SLC6A12: variants seen among roughly 807,000 people sequenced by gnomAD.
The protein encoded by SLC6A12 is sodium- and chloride-dependent betaine transporter.
In SLC6A12, 50 loss-of-function variants were observed where a neutral mutation model predicts 73.3. The ratio of observed to expected loss-of-function variants is 0.68; its 90% CI spans 0.54 to 0.86. The LOEUF is 0.86. Ranked by LOEUF, SLC6A12 falls within the 40% of genes least tolerant of loss-of-function variation. The pLI, the probability that SLC6A12 is intolerant of heterozygous loss-of-function variation, is 0.00. For synonymous variants in SLC6A12, 304 were observed against 309.2 expected (o/e 0.98, Z 0.18); for missense variants, 648 against 772.8 (o/e 0.84, Z 1.92).
chr12:211,166 C>G (rs752925497), intron 2 of SLC6A12: 1 of 152,194 alleles, frequency 6.6e-6, no homozygotes, highest in Non-Finnish European at 1.5e-5. Context: ...TCAAAGCGAC[C>G]AGGTCTACCA....
intron 3 of SLC6A12, among the ~76,000 whole-genome samples, chr12:206,884 C>T (rs1458729005): frequency 6.6e-6 from 1 of 152,234 alleles, no homozygotes; most frequent in Non-Finnish European, 1.5e-5. Flanking sequence ...GGACTCCTTC[C>T]CACCTGTTGT....
chr12:204,485 G>A (rs978948470), intron 4 of SLC6A12, 79 bp downstream of exon 4: 17 of 1,356,696 alleles, frequency 1.3e-5, no homozygotes, highest in Admixed American at 1.7e-5. Flanking sequence ...AGCAGCGGAT[G>A]GGTAGGCAGG....
Position 201,747 on chromosome 12 carries a change from G to A in SLC6A12, c.578+15C>T. ...AATTTCCTCTTCATATGTGGCAAATGGGCCCAGCACCTACTCCCAGAATTC... is the reference window on the plus strand; with the variant it reads ...AATTTCCTCTTCATATGTGGCAAATAGGCCCAGCACCTACTCCCAGAATTC... On this transcript the variant is annotated intron_variant, in intron 6 of 15. Coordinates refer to ENST00000684302, the MANE Select transcript of SLC6A12 (RefSeq NM_001122848.3). 2 of 1,605,062 alleles carry A rather than the reference G, an allele frequency of 1.2e-6. No homozygotes were observed. Among genetic ancestry groups the A allele is most frequent in the Non-Finnish European group, 1.7e-6 (2 of 1,171,710 alleles).
chr12:195,809 G>A (rs867037377), intron 12 of SLC6A12, among the ~76,000 whole-genome samples: 23 of 152,150 alleles, frequency 1.5e-4, no homozygotes, highest in African/African-American at 4.6e-4. Context: ...ACAGGAGACC[G>A]AGGAGCCTTC....
chr12:212,539 A>G (rs1371688501), intron 1 of SLC6A12, among the ~76,000 whole-genome samples: 1 of 152,212 alleles, frequency 6.6e-6, no homozygotes, highest in Non-Finnish European at 1.5e-5. Flanking sequence ...ATGAAAATAA[A>G]AAAGTAATCG....
At chr12:186,052 G>A (rs760222739), downstream of SLC6A12, among the ~76,000 whole-genome samples, 4 of 152,162 alleles carry the variant, frequency 2.6e-5, no homozygotes, top group Non-Finnish European at 1.5e-5. Flanking sequence ...GCAAGGACAG[G>A]GTGAGCCCAG....
In SLC6A12 at chr12:196,165, C is replaced by A; in HGVS notation, c.1285G>T (p.Ala429Ser). The A allele has an allele frequency of 6.4e-7, 1 of 1,573,784 alleles. No individual in the cohort carries two copies. Among genetic ancestry groups the A allele is most frequent in the Non-Finnish European group, 8.6e-7 (1 of 1,159,710 alleles). The change falls in exon 12 of 16, where the codon GCC (alanine) becomes TCC (serine). Residue 429 changes from alanine to serine, a missense_variant. Coordinates refer to ENST00000684302, the MANE Select transcript of SLC6A12 (RefSeq NM_001122848.3). Reference sequence around the variant, plus strand: ...AGCCCTATCAGGTAGCACATGACGGCGATGGTGAGGATGAGGAGCTCGCGC... The same window carrying A: ...AGCCCTATCAGGTAGCACATGACGGAGATGGTGAGGATGAGGAGCTCGCGC... ...GRRELLILTI[A>S]VMCYLIGLFL... is the part of the protein sequence containing the mutation.
downstream of SLC6A12, among the ~76,000 whole-genome samples, chr12:186,611 A>C (rs1464965791): frequency 6.6e-6 from 1 of 152,202 alleles, no homozygotes; most frequent in Non-Finnish European, 1.5e-5. Flanking sequence ...CCTTGCAGCA[A>C]GCTGCTGCTG....
At chr12:187,597 A>AGAAGAAG (rs1565461291), downstream of SLC6A12, among the ~76,000 whole-genome samples, 3 of 6,678 alleles carry the variant, frequency 4.5e-4, no homozygotes, top group African/African-American at 6.6e-4. Flanking sequence ...AGCAAAAAAA[A>AGAAGAAG]AAAAAAAAAA....
Position 213,833 on chromosome 12 carries a change from C to G in SLC6A12, c.-143+89G>C, listed in dbSNP as rs1483835334. 1 of 152,590 alleles carries G rather than the reference C, an allele frequency of 6.6e-6. No individual in the cohort carries two copies. The highest frequency in any genetic ancestry group is 1.5e-5 in the Non-Finnish European group (1 of 68,352). 9.5% of individuals were successfully genotyped at this position (152,590 alleles called of 1,614,324 possible). On this transcript the variant is annotated intron_variant, in intron 1 of 15. Coordinates refer to ENST00000684302, the MANE Select transcript of SLC6A12 (RefSeq NM_001122848.3). The surrounding 1 kb of genome is among the most constrained non-coding windows in gnomAD (Gnocchi z 5.3). The stretch of plus-strand genomic sequence containing the variant: ...CTGCAGACACGCAGTTCCACAGAGT[C>G]TCGCTTCCCAGGGCTCTATCCCTCC...
At chr12:200,106 C>CTTT (rs33929668) in intron 7 of SLC6A12, among the ~76,000 whole-genome samples, 42 of 104,538 alleles carry the variant, frequency 4.0e-4, no homozygotes, top group Non-Finnish European at 5.0e-4. Context: ...CCTGAATATT[C>CTTT]TTTTTTTTTT....
chr12:198,084 T>C lies in SLC6A12; in HGVS notation c.847-81A>G, dbSNP rs1047018135. 7.5e-5 allele frequency: 83 copies of C among 1,107,248 alleles called. No individual in the cohort carries two copies. Among genetic ancestry groups the C allele is most frequent in the Non-Finnish European group, 1.1e-4 (78 of 732,000 alleles). The allele number at this position is 1,107,248 out of a possible 1,614,324, so 68.6% of individuals were successfully genotyped here. A position where few individuals can be genotyped will look rare whatever the true frequency, so the allele number is the denominator to read the frequency against. On this transcript the variant is annotated intron_variant, in intron 8 of 15. Coordinates refer to ENST00000684302, the MANE Select transcript of SLC6A12 (RefSeq NM_001122848.3). The surrounding 1 kb of genome is among the most constrained non-coding windows in gnomAD (Gnocchi z 4.0). The stretch of plus-strand genomic sequence containing the variant: ...TGACCCGAGATCCAGACCCGTCCCC[T>C]GCAGCACCAGCCTGGCCCCTCAGTG...
chr12:191,257 C>A (rs906717680), intron 15 of SLC6A12, 46 bp from the exon 16 acceptor site: 19 of 1,255,026 alleles, frequency 1.5e-5, no homozygotes, highest in Non-Finnish European at 1.9e-5. Flanking sequence ...GTGAGGGAGG[C>A]GCAGAAGGTT....
Position 193,392 on chromosome 12 carries a change from C to A in SLC6A12, c.1430-15G>T. ...ACGGTCCGCCCCTGAGCAGGCATGG[C>A]GTGGGAGAGTGTGAGAGCCAGAGGG... On this transcript the variant is annotated splice_polypyrimidine_tract_variant and intron_variant, in intron 13 of 15. Coordinates refer to ENST00000684302, the MANE Select transcript of SLC6A12 (RefSeq NM_001122848.3). The A allele has an allele frequency of 6.3e-7, 1 of 1,599,430 alleles. No homozygotes were observed. Among genetic ancestry groups the A allele is most frequent in the Non-Finnish European group, 8.6e-7 (1 of 1,167,426 alleles).
At chr12:203,656 G>C (rs1037004102) in intron 4 of SLC6A12, 1 of 152,186 alleles carries the variant, frequency 6.6e-6, no homozygotes. Context: ...CTGTGCTCGC[G>C]GCCGTCCGGC....
At position 193,387 on chromosome 12, in the gene SLC6A12, C is replaced by CAT; in HGVS notation, c.1430-12_1430-11dup. On this transcript the variant is annotated splice_polypyrimidine_tract_variant and intron_variant, in intron 13 of 15. Coordinates refer to ENST00000684302, the MANE Select transcript of SLC6A12 (RefSeq NM_001122848.3). The stretch of plus-strand genomic sequence containing the variant: ...TAGAAACGGTCCGCCCCTGAGCAGG[C>CAT]ATGGCGTGGGAGAGTGTGAGAGCCA... 6.2e-7 allele frequency: 1 copy of CAT among 1,606,944 alleles called. No homozygotes were observed. The highest frequency in any genetic ancestry group is 8.5e-7 in the Non-Finnish European group (1 of 1,173,880).
intron 7 of SLC6A12, among the ~76,000 whole-genome samples, chr12:200,215 T>G (rs533702502): frequency 2.7e-5 from 4 of 150,888 alleles, no homozygotes; most frequent in Admixed American, 2.0e-4. Flanking sequence ...TTCACGCCAT[T>G]CTCCTGCCTC....
At chr12:191,402 G>A (rs61907089) in intron 15 of SLC6A12, among the ~76,000 whole-genome samples, 191 bp from the exon 16 acceptor site, 4,314 of 152,244 alleles carry the variant, frequency 0.028, 86 homozygotes, top group Middle Eastern at 0.085. Flanking sequence ...ATGAGTGTGC[G>A]CTGCCTGGGT....
At chr12:194,632 C>G (rs1036112630) in intron 13 of SLC6A12, among the ~76,000 whole-genome samples, 1 of 152,272 alleles carries the variant, frequency 6.6e-6, no homozygotes, top group Non-Finnish European at 1.5e-5. Context: ...TCTTCCCCTT[C>G]CTGGTGTAGG....
Sources: gnomAD v4.1 joint callset for allele counts (sites outside exome capture counted in the v4.1 genomes callset) on GRCh38, gnomAD v4.1.1 for gene constraint, Gnocchi (gnomAD v3.1) non-coding constraint, MANE v1.5 for transcripts, NCBI Gene and HGNC (gene_info 2026-07-23, HGNC 2026-07-21) for gene names.